Variants in CERS6 observed in about 807,000 individuals in gnomAD.
CERS6 encodes the protein ceramide synthase 6.
Under a neutral mutation model 56.8 loss-of-function variants are expected in CERS6, and 26 were observed. That is an observed-to-expected ratio of 0.46 (90% CI 0.34 to 0.63). The LOEUF is 0.63. CERS6 is among the 30% of genes least tolerant of loss of function. CERS6 has a pLI of 0.01. For synonymous variants in CERS6, 164 were observed against 173.3 expected (o/e 0.95, Z 0.42); for missense variants, 415 against 467.5 (o/e 0.89, Z 1.04).
intron 3 of CERS6, among the ~76,000 whole-genome samples, chr2:168,618,662 A>G (rs1172476108): frequency 6.6e-6 from 1 of 152,200 alleles, no homozygotes; most frequent in Non-Finnish European, 1.5e-5. Context: ...ACTTAGGAAT[A>G]TATCTAACCA....
intron 1 of CERS6, among the ~76,000 whole-genome samples, chr2:168,464,449 C>G (rs1693834728): frequency 6.6e-6 from 1 of 152,270 alleles, no homozygotes; most frequent in South Asian, 2.1e-4. Context: ...GCATAAGCCA[C>G]CGCACCTGGC....
intron 1 of CERS6, among the ~76,000 whole-genome samples, chr2:168,462,951 A>G (rs1434181309): frequency 6.6e-6 from 1 of 152,228 alleles, no homozygotes; most frequent in African/African-American, 2.4e-5. Context: ...ATGTTTGACT[A>G]TTTTGAATGA....
At chr2:168,651,712 A>G (rs939378619) in intron 4 of CERS6, among the ~76,000 whole-genome samples, 7 of 152,174 alleles carry the variant, frequency 4.6e-5, no homozygotes, top group African/African-American at 1.7e-4. Context: ...CCACCCCATG[A>G]TCCAATCACT....
Position 168,721,093 on chromosome 2 carries a change from C to G in CERS6, c.845+3115C>G, listed in dbSNP as rs78015077. Among the ~76,000 whole-genome samples the G allele has an allele frequency of 5.2e-3, 786 of 152,262 alleles. 10 individuals are homozygous for G. Among genetic ancestry groups the G allele is most frequent in the African/African-American group, 0.018 (741 of 41,552 alleles). Reference sequence around the variant, plus strand: ...GATGCTGCTGTAGACAAACCTATTGCGCTGCCAGTCACTCCTCATTCTTCC... The same window carrying G: ...GATGCTGCTGTAGACAAACCTATTGGGCTGCCAGTCACTCCTCATTCTTCC... On this transcript the variant is annotated intron_variant, in intron 8 of 9. Coordinates refer to ENST00000305747, the MANE Select transcript of CERS6 (RefSeq NM_203463.3).
chr2:168,561,201 GAA>G lies in CERS6; in HGVS notation c.289_290del (p.Lys97GlufsTer37). 6.2e-7 allele frequency: 1 copy of G among 1,614,002 alleles called. No homozygotes were observed. Among genetic ancestry groups the G allele is most frequent in the Non-Finnish European group, 8.5e-7 (1 of 1,179,926 alleles). ...VFTAITKHPD[E>X]KRLEGLSKQL... ...GTACCTTGTTTCATAGCATCCTGAT[GAA>G]AAGAGATTGGAAGGCCTCTCCAAGC... On this transcript the variant is annotated frameshift_variant, in exon 3 of 10. Transcript: ENST00000305747. LOFTEE classifies it high-confidence loss of function.
At chr2:168,508,073 A>C (rs1694713437) in intron 1 of CERS6, among the ~76,000 whole-genome samples, 1 of 152,298 alleles carries the variant, frequency 6.6e-6, no homozygotes, top group Admixed American at 6.5e-5. Context: ...TTGTCTGTCC[A>C]TATTCTGTGA....
intron 6 of CERS6, among the ~76,000 whole-genome samples, chr2:168,707,066 T>C (rs757204136): frequency 3.3e-5 from 5 of 152,248 alleles, no homozygotes; most frequent in Non-Finnish European, 7.3e-5. Flanking sequence ...TGTGCATATT[T>C]GATGAACAGT....
intron 4 of CERS6, among the ~76,000 whole-genome samples, chr2:168,653,542 A>G (rs1177055113): frequency 6.6e-6 from 1 of 152,180 alleles, no homozygotes; most frequent in Non-Finnish European, 1.5e-5. Context: ...CTGGTGTGCT[A>G]TGTTTGTTTA....
intron 1 of CERS6, among the ~76,000 whole-genome samples, chr2:168,525,225 G>C (rs1364440632): frequency 1.3e-5 from 2 of 152,196 alleles, no homozygotes; most frequent in Non-Finnish European, 2.9e-5. Flanking sequence ...GGATTACCTG[G>C]AGGGCTTGTT....
chr2:168,736,416 T>G (rs1683719307), intron 8 of CERS6, among the ~76,000 whole-genome samples: 1 of 152,120 alleles, frequency 6.6e-6, no homozygotes, highest in Non-Finnish European at 1.5e-5. Flanking sequence ...AGCCTCAAAC[T>G]CCTGGGCTCA....
intron 8 of CERS6, among the ~76,000 whole-genome samples, chr2:168,763,425 A>G (rs1225618356): frequency 6.7e-6 from 1 of 149,474 alleles, no homozygotes; most frequent in African/African-American, 2.5e-5. Context: ...TTTATTTTTT[A>G]TTTTTTTTGT....
At chr2:168,569,519 A>AT (rs1695943128) in intron 3 of CERS6, among the ~76,000 whole-genome samples, 1 of 152,150 alleles carries the variant, frequency 6.6e-6, no homozygotes, top group South Asian at 2.1e-4. Flanking sequence ...GAGAGTGTGA[A>AT]TGTGTGTGTG....
In CERS6 at chr2:168,582,357, A is replaced by C. The variant is rs74447006; in HGVS notation, c.407+21035A>C. ...GGGCCAGAAGGAGCTGTGGTGTTCT[A>C]CTTAGGTCTCTGGGTTCCTAGTTTC... On this transcript the variant is annotated intron_variant, in intron 3 of 9. Coordinates refer to ENST00000305747, the MANE Select transcript of CERS6 (RefSeq NM_203463.3). Among the ~76,000 whole-genome samples the C allele has an allele frequency of 4.5e-3, 692 of 152,242 alleles. 7 individuals carry two copies. Among genetic ancestry groups the C allele is most frequent in the African/African-American group, 0.016 (646 of 41,534 alleles).
intron 8 of CERS6, among the ~76,000 whole-genome samples, chr2:168,724,493 A>G (rs1321891432): frequency 6.6e-6 from 1 of 152,032 alleles, no homozygotes; most frequent in Non-Finnish European, 1.5e-5. Context: ...GGTAGAGCCG[A>G]GTGGTCTGTT....
intron 8 of CERS6, among the ~76,000 whole-genome samples, chr2:168,753,005 C>T (rs774212432): frequency 3.9e-5 from 6 of 152,280 alleles, no homozygotes; most frequent in South Asian, 4.1e-4. Context: ...AGAAAACAAT[C>T]AGAACAAGTG....
chr2:168,701,874 A>G (rs1248639127), intron 6 of CERS6, among the ~76,000 whole-genome samples: 1 of 152,092 alleles, frequency 6.6e-6, no homozygotes, highest in African/African-American at 2.4e-5. Flanking sequence ...AAAATAAAAT[A>G]AAATTGTATA....
At chr2:168,581,181 G>A (rs1164612621) in intron 3 of CERS6, among the ~76,000 whole-genome samples, 1 of 152,090 alleles carries the variant, frequency 6.6e-6, no homozygotes, top group Non-Finnish European at 1.5e-5. Flanking sequence ...ACTACACCTG[G>A]CTAACTTTTA....
chr2:168,588,789 T>C (rs1302810287), intron 3 of CERS6, among the ~76,000 whole-genome samples: 1 of 152,210 alleles, frequency 6.6e-6, no homozygotes, highest in East Asian at 1.9e-4. Flanking sequence ...TCTTGTTCTA[T>C]TATGAAATGG....
intron 8 of CERS6, among the ~76,000 whole-genome samples, chr2:168,755,368 TA>T (rs1378952751): frequency 6.6e-6 from 1 of 152,218 alleles, no homozygotes; most frequent in African/African-American, 2.4e-5. Context: ...GAACATATTT[TA>T]CTCATGCTTT....
Sources: gnomAD v4.1 joint callset for allele counts (sites outside exome capture counted in the v4.1 genomes callset) on GRCh38, gnomAD v4.1.1 for gene constraint, MANE v1.5 for transcripts, NCBI Gene and HGNC (gene_info 2026-07-23, HGNC 2026-07-21) for gene names.